The following LMCD1 variants were observed in gnomAD, a reference collection of about 807,000 sequenced individuals.
LMCD1 encodes LIM and cysteine-rich domains protein 1.
In LMCD1, 32 loss-of-function variants were observed where a neutral mutation model predicts 42.7. That is an observed-to-expected ratio of 0.75 (90% CI 0.57 to 1.01). The LOEUF (loss-of-function observed/expected upper bound fraction) is 1.01. Ranked by LOEUF, LMCD1 falls within the 50% of genes least tolerant of loss-of-function variation. The pLI is 0.00. For missense variants in LMCD1, 458 were observed against 483.1 expected, an observed-to-expected ratio of 0.95 and a Z score of 0.49; for synonymous variants, 178 against 184.9, an observed-to-expected ratio of 0.96 and a Z score of 0.30.
At position 8,567,423 on chromosome 3, in the gene LMCD1, C is replaced by T. The variant is rs1695147450; in HGVS notation, c.940-17C>T. ...GACAGAAACTGAGTCATGCATTTCT[C>T]CTGCTCCCCTCCCCAGATAATATTC... On this transcript the variant is annotated splice_polypyrimidine_tract_variant and intron_variant, in intron 5 of 5. Transcript: ENST00000157600. 6.2e-7 allele frequency: 1 copy of T among 1,612,138 alleles called. No individual in the cohort carries two copies. Among genetic ancestry groups the T allele is most frequent in the African/African-American group, 1.3e-5 (1 of 74,826 alleles).
chr3:8,524,018 A>G (rs1694250258), intron 1 of LMCD1, among the ~76,000 whole-genome samples: 1 of 152,242 alleles, frequency 6.6e-6, no homozygotes, highest in Admixed American at 6.5e-5. Flanking sequence ...CCTTGCTTCA[A>G]TTCTTGGGAG....
intron 3 of LMCD1, among the ~76,000 whole-genome samples, chr3:8,544,413 G>A (rs570313661): frequency 1.3e-5 from 2 of 152,224 alleles, no homozygotes; most frequent in African/African-American, 2.4e-5. Flanking sequence ...GGATTAGCTG[G>A]GTATGCTGTG....
intron 4 of LMCD1, among the ~76,000 whole-genome samples, chr3:8,553,035 G>A (rs1423068530): frequency 6.6e-6 from 1 of 152,144 alleles, no homozygotes; most frequent in Non-Finnish European, 1.5e-5. Flanking sequence ...TACCCCAAGC[G>A]AGCCCACCTT....
rs557938544 is a variant in LMCD1, at chr3:8,524,384, C to T, written c.43-8353C>T. Among the ~76,000 whole-genome samples, 6 of 152,094 alleles carry T rather than the reference C, an allele frequency of 3.9e-5. No homozygotes were observed. In the East Asian group the frequency reaches 1.2e-3, roughly 30 times the overall value. On this transcript the variant is annotated intron_variant, in intron 1 of 5. Transcript: ENST00000157600. ...AGAGGGTCTCAGTATCCATGAGTGC[C>T]CCAGAGAGGAGTCAGCCAGTCAGTG...
chr3:8,566,688 T>C (rs1254687681), intron 5 of LMCD1, among the ~76,000 whole-genome samples: 1 of 152,202 alleles, frequency 6.6e-6, no homozygotes, highest in Non-Finnish European at 1.5e-5. Context: ...AAGCATGATT[T>C]TTTCTCATTT....
rs77081317 is a variant in LMCD1 at position 8,502,206 on chromosome 3, G to T, written c.42+226G>T. Among the ~76,000 whole-genome samples, 691 of 130,488 alleles carry T rather than the reference G, an allele frequency of 5.3e-3. 6 individuals carry two copies. The highest frequency in any genetic ancestry group is 8.7e-3 in the South Asian group (37 of 4,274). The allele number at this position is 130,488 out of a possible 152,430, so 85.6% of individuals were successfully genotyped here. On this transcript the variant is annotated intron_variant, in intron 1 of 5. Transcript: ENST00000157600. ...CAAAGGGTCTTATGTCTTTGGTGATGCTAGTTAAAGTTTAATTAAGGTTTT... is the reference window on the plus strand; with the variant it reads ...CAAAGGGTCTTATGTCTTTGGTGATTCTAGTTAAAGTTTAATTAAGGTTTT...
chr3:8,504,179 C>G (rs1326959574), intron 1 of LMCD1, among the ~76,000 whole-genome samples: 2 of 152,164 alleles, frequency 1.3e-5, no homozygotes, highest in Admixed American at 1.3e-4. Flanking sequence ...TAACCAATGC[C>G]TTCAACTCAA....
chr3:8,552,025 A>G (rs1036088077), intron 4 of LMCD1, among the ~76,000 whole-genome samples: 1 of 152,216 alleles, frequency 6.6e-6, no homozygotes, highest in Admixed American at 6.5e-5. Context: ...AACGGGAGAA[A>G]AACGAAGGGC....
At chr3:8,553,697 T>G (rs1159091563) in intron 4 of LMCD1, among the ~76,000 whole-genome samples, 1 of 152,198 alleles carries the variant, frequency 6.6e-6, no homozygotes, top group Admixed American at 6.5e-5. Context: ...CATGCCTACC[T>G]CAGGGCAGTC....
chr3:8,512,820 C>T (rs144931022), intron 1 of LMCD1, among the ~76,000 whole-genome samples: 129 of 152,272 alleles, frequency 8.5e-4, no homozygotes, highest in African/African-American at 2.8e-3. Context: ...AGGTCAACTG[C>T]CTTCTTTAAC....
At position 8,565,624 on chromosome 3, in the gene LMCD1, C is replaced by T. The variant is rs138139932; in HGVS notation, c.916C>T (p.Pro306Ser). The T allele has an allele frequency of 4.4e-6, 7 of 1,606,774 alleles. No individual in the cohort carries two copies. In the Admixed American group the frequency reaches 5.1e-5, roughly 12 times the overall value. Residue 306 changes from proline (P) to serine (S), a missense_variant, in exon 5 of 6, where the codon CCC becomes TCC. Transcript: ENST00000157600. The part of the protein sequence containing the change: ...CGRHYCESLR[P>S]RCSGCDEIIF... ...CCGCCATTACTGCGAGAGTCTGCGG[C>T]CCCGGTGCTCCGGCTGCGATGAGGT...
intron 4 of LMCD1, among the ~76,000 whole-genome samples, chr3:8,555,086 C>T (rs945418345): frequency 2.0e-5 from 3 of 152,052 alleles, no homozygotes; most frequent in African/African-American, 4.8e-5. Context: ...GAATATGGTC[C>T]GAAATCATCC....
intron 4 of LMCD1, among the ~76,000 whole-genome samples, chr3:8,554,297 G>A (rs961702010): frequency 3.9e-5 from 6 of 152,188 alleles, no homozygotes; most frequent in Non-Finnish European, 5.9e-5. Context: ...GCGGGGCTTC[G>A]GTTCAATCCC....
intron 1 of LMCD1, among the ~76,000 whole-genome samples, chr3:8,522,462 A>G (rs1361357529): frequency 6.6e-6 from 1 of 152,192 alleles, no homozygotes; most frequent in Non-Finnish European, 1.5e-5. Context: ...AGGAGCCTGA[A>G]CACGGTGATT....
intron 4 of LMCD1, among the ~76,000 whole-genome samples, chr3:8,559,555 C>T (rs1365074674): frequency 6.6e-6 from 1 of 152,222 alleles, no homozygotes; most frequent in Non-Finnish European, 1.5e-5. Flanking sequence ...TATCTCCCCT[C>T]TCAGCCACCT....
chr3:8,506,600 A>G (rs1693887016), intron 1 of LMCD1, among the ~76,000 whole-genome samples: 1 of 152,200 alleles, frequency 6.6e-6, no homozygotes, highest in South Asian at 2.1e-4. Context: ...AGGAAGGCAA[A>G]TCGTCCTCTT....
In LMCD1 at chr3:8,571,195, C is replaced by A. The variant is rs968858431; in HGVS notation, c.*3597C>A. ...ATAATATCCCAGGCTTACAGTAATT[C>A]TTCCAAGGCCTTTATTGTGCTATAA... On this transcript the variant is annotated 3_prime_UTR_variant, in exon 6 of 6. Coordinates refer to ENST00000157600, the MANE Select transcript of LMCD1 (RefSeq NM_014583.4). The A allele has an allele frequency of 6.6e-6, 1 of 152,100 alleles. No homozygotes were observed. The highest frequency in any genetic ancestry group is 1.5e-5 in the Non-Finnish European group (1 of 68,010). 9.4% of individuals were successfully genotyped at this position (152,100 alleles called of 1,614,324 possible).
Position 8,569,997 on chromosome 3 carries a change from G to C in LMCD1, c.*2399G>C. Reference sequence around the variant, plus strand: ...CCTGTTTCCAAAAAAAAAAAAAAAGGATAGGTTGCCTCTAAGTTGGCAAAG... The same window carrying C: ...CCTGTTTCCAAAAAAAAAAAAAAAGCATAGGTTGCCTCTAAGTTGGCAAAG... On this transcript the variant is annotated 3_prime_UTR_variant, in exon 6 of 6. Coordinates refer to ENST00000157600, the MANE Select transcript of LMCD1 (RefSeq NM_014583.4). The C allele has an allele frequency of 7.7e-6, 1 of 129,254 alleles. No individual in the cohort carries two copies. Among genetic ancestry groups the C allele is most frequent in the Non-Finnish European group, 1.6e-5 (1 of 61,760 alleles). 8.0% of individuals were successfully genotyped at this position (129,254 alleles called of 1,614,324 possible).
intron 3 of LMCD1, among the ~76,000 whole-genome samples, chr3:8,540,572 A>T (rs1270515830): frequency 6.6e-6 from 1 of 152,182 alleles, no homozygotes; most frequent in Non-Finnish European, 1.5e-5. Flanking sequence ...TTCCCTACCA[A>T]TCCAGGCCAG....
Sources: allele counts gnomAD v4.1 joint callset (sites outside exome capture counted in the v4.1 genomes callset), GRCh38; gene constraint gnomAD v4.1.1; transcripts MANE v1.5; gene names NCBI Gene and HGNC (gene_info 2026-07-23, HGNC 2026-07-21).